SRGAP3: variants seen among roughly 807,000 people sequenced by gnomAD.
SRGAP3 encodes SLIT-ROBO Rho GTPase activating protein 3, also known as SLIT-ROBO Rho GTPase-activating protein 3.
SRGAP3 carries 39 observed loss-of-function variants against 121.1 expected under a neutral mutation model. That is an observed-to-expected ratio of 0.32 (90% CI 0.25 to 0.42). SRGAP3 has a LOEUF of 0.42. Among genes scored for constraint, SRGAP3 ranks in the 10% least tolerant of loss-of-function variants. The pLI, the probability that SRGAP3 is intolerant of heterozygous loss-of-function variation, is 1.00. For missense variants in SRGAP3, 1,213 were observed against 1,470.6 expected (o/e 0.82, Z 2.86); for synonymous variants, 601 against 570.0 (o/e 1.05, Z -0.77).
intron 3 of SRGAP3, among the ~76,000 whole-genome samples, chr3:9,088,865 G>A (rs1471058028): frequency 6.6e-6 from 1 of 152,052 alleles, no homozygotes; most frequent in East Asian, 1.9e-4. Context: ...TGGCCCCTTC[G>A]GTACGGGCTT....
intron 3 of SRGAP3, among the ~76,000 whole-genome samples, chr3:9,102,934 CG>C (rs1948275052): frequency 6.6e-6 from 1 of 152,142 alleles, no homozygotes; most frequent in Admixed American, 6.5e-5. Context: ...CAGCAGCAGG[CG>C]GGGGCTGGGA....
At chr3:9,108,600 A>C (rs1008660628) in intron 2 of SRGAP3, among the ~76,000 whole-genome samples, 1 of 152,220 alleles carries the variant, frequency 6.6e-6, no homozygotes, top group Non-Finnish European at 1.5e-5. Context: ...CCTGAGTAAT[A>C]GGCAAGACCC....
intron 1 of SRGAP3, among the ~76,000 whole-genome samples, chr3:9,229,463 G>A (rs1050830790): frequency 4.6e-5 from 7 of 152,154 alleles, no homozygotes; most frequent in Non-Finnish European, 1.5e-5. Context: ...GACAGAGGCC[G>A]GCATGGCAAC....
chr3:9,103,571 G>A (rs542450455), intron 3 of SRGAP3, among the ~76,000 whole-genome samples: 25 of 152,306 alleles, frequency 1.6e-4, no homozygotes, highest in Middle Eastern at 6.8e-3. Flanking sequence ...AAGAATTTAA[G>A]AATTCTGGAC....
chr3:9,044,583 C>T (rs1029173760), intron 10 of SRGAP3, among the ~76,000 whole-genome samples: 11 of 152,084 alleles, frequency 7.2e-5, no homozygotes, highest in Non-Finnish European at 8.8e-5. Flanking sequence ...CCATGGAAAG[C>T]GAAACCACAA....
At chr3:8,992,596 T>C in intron 20 of SRGAP3, 2 of 478,612 alleles carry the variant, frequency 4.2e-6, no homozygotes, top group Non-Finnish European at 7.6e-6. Flanking sequence ...GTGCAGGAAC[T>C]GGACACAGGT....
chr3:9,176,007 C>T (rs896397974), intron 1 of SRGAP3, among the ~76,000 whole-genome samples: 2 of 152,136 alleles, frequency 1.3e-5, no homozygotes, highest in Non-Finnish European at 1.5e-5. Flanking sequence ...CTGCAAACTC[C>T]GCCTCCTGGG....
intron 1 of SRGAP3, among the ~76,000 whole-genome samples, chr3:9,187,061 C>G (rs1951616796): frequency 6.6e-6 from 1 of 152,082 alleles, no homozygotes; most frequent in African/African-American, 2.4e-5. Context: ...TTGCTGCACC[C>G]GTCAACCCGT....
intron 18 of SRGAP3, among the ~76,000 whole-genome samples, chr3:8,995,507 G>A (rs942035848): frequency 1.3e-5 from 2 of 152,112 alleles, no homozygotes; most frequent in African/African-American, 4.8e-5. Context: ...TTGTACAAAA[G>A]GGCATAGCTT....
intron 18 of SRGAP3, chr3:9,008,196 A>C (rs1943180798): frequency 6.6e-6 from 1 of 152,440 alleles, no homozygotes; most frequent in African/African-American, 2.4e-5. Context: ...GGGAGGCAGC[A>C]CTTTCTGGGG....
At chr3:9,165,106 C>G (rs1437389431) in intron 1 of SRGAP3, among the ~76,000 whole-genome samples, 1 of 152,264 alleles carries the variant, frequency 6.6e-6, no homozygotes, top group Non-Finnish European at 1.5e-5. Flanking sequence ...CAGGAGGATG[C>G]CCCAGGGCCT....
rs182073696 is a variant in SRGAP3 at position 9,000,486 on chromosome 3, G to A, written c.2228-5963C>T. Among the ~76,000 whole-genome samples, 14 of 152,308 alleles carry A rather than the reference G, an allele frequency of 9.2e-5. 1 individual carries two copies. Among genetic ancestry groups the A allele is most frequent in the African/African-American group, 3.1e-4 (13 of 41,564 alleles). ...TTTTCCCATGGGGGAGAACCATCCCGTAAAACAGACAGATCCTAATCTTAT... is the reference window on the plus strand; with the variant it reads ...TTTTCCCATGGGGGAGAACCATCCCATAAAACAGACAGATCCTAATCTTAT... On this transcript the variant is annotated intron_variant, in intron 18 of 21. Coordinates refer to ENST00000383836, the MANE Select transcript of SRGAP3 (RefSeq NM_014850.4).
At chr3:9,187,422 G>A (rs770816981) in intron 1 of SRGAP3, among the ~76,000 whole-genome samples, 1 of 152,184 alleles carries the variant, frequency 6.6e-6, no homozygotes, top group Non-Finnish European at 1.5e-5. Flanking sequence ...ACGCCCAGAC[G>A]CTGTGCTGAG....
chr3:9,026,702 C>T (rs1237821305), intron 13 of SRGAP3, among the ~76,000 whole-genome samples: 1 of 152,222 alleles, frequency 6.6e-6, no homozygotes, highest in African/African-American at 2.4e-5. Flanking sequence ...CATGCCCTTT[C>T]TACTCTCCAG....
chr3:9,271,677 A>G (rs951770016), intron 3 of SRGAP3, among the ~76,000 whole-genome samples: 6 of 152,152 alleles, frequency 3.9e-5, no homozygotes, highest in African/African-American at 1.4e-4. Flanking sequence ...ACTTAGGAAA[A>G]TTAGCTTCCC....
At chr3:9,119,343 C>T (rs149717040) in intron 2 of SRGAP3, among the ~76,000 whole-genome samples, 187 of 152,326 alleles carry the variant, frequency 1.2e-3, no homozygotes, top group African/African-American at 4.4e-3. Flanking sequence ...CATGAGTGGG[C>T]TCCTCGGCTC....
intron 1 of SRGAP3, chr3:9,236,411 T>C (rs1333022641): frequency 6.5e-6 from 1 of 154,212 alleles, no homozygotes; most frequent in Non-Finnish European, 1.4e-5. Flanking sequence ...CCCGCCCAAA[T>C]CTCATGTCAA....
chr3:9,360,654 C>T (rs141852180), intron 1 of SRGAP3, among the ~76,000 whole-genome samples: 182 of 152,250 alleles, frequency 1.2e-3, no homozygotes, highest in African/African-American at 3.8e-3. Flanking sequence ...TCTTACATGG[C>T]GGCAGCAAGA....
chr3:9,153,760 T>C (rs1469712590), intron 1 of SRGAP3, among the ~76,000 whole-genome samples: 1 of 152,178 alleles, frequency 6.6e-6, no homozygotes, highest in African/African-American at 2.4e-5. Flanking sequence ...TGACATATTA[T>C]TGTATACATT....
Sources: gnomAD v4.1 joint callset for allele counts (sites outside exome capture counted in the v4.1 genomes callset) on GRCh38, gnomAD v4.1.1 for gene constraint, MANE v1.5 for transcripts, NCBI Gene and HGNC (gene_info 2026-07-23, HGNC 2026-07-21) for gene names.